HPGD: variants seen among roughly 807,000 people sequenced by gnomAD.
HPGD encodes 15-hydroxyprostaglandin dehydrogenase, also known as 15-hydroxyprostaglandin dehydrogenase [NAD(+)].
Under a neutral mutation model 30.0 loss-of-function variants are expected in HPGD, and 29 were observed. The ratio of observed to expected loss-of-function variants is 0.97; its 90% CI spans 0.72 to 1.32. The LOEUF is 1.32. HPGD is among the 40% of genes most tolerant of loss of function. The probability of loss-of-function intolerance (pLI) is 0.00; values close to 1 mark genes in which losing one functional copy is unlikely to be tolerated. For synonymous variants in HPGD, 99 were observed against 112.4 expected (o/e 0.88, Z 0.75); for missense variants, 340 against 322.1 (o/e 1.06, Z -0.43).
At chr4:174,518,448 G>C (rs1165223604) in intron 2 of HPGD, among the ~76,000 whole-genome samples, 1 of 152,216 alleles carries the variant, frequency 6.6e-6, no homozygotes, top group South Asian at 2.1e-4. Flanking sequence ...GTCAGTTAGA[G>C]CAAGCAATGT....
At chr4:174,503,559 T>C (rs1735027705) in intron 4 of HPGD, among the ~76,000 whole-genome samples, 2 of 152,238 alleles carry the variant, frequency 1.3e-5, no homozygotes, top group South Asian at 2.1e-4. Flanking sequence ...AGAGCAGTAG[T>C]AGAGGGTGGT....
chr4:174,501,618 G>C (rs549917793), intron 4 of HPGD, among the ~76,000 whole-genome samples: 251 of 152,058 alleles, frequency 1.7e-3, no homozygotes, highest in African/African-American at 5.8e-3. Context: ...AATCAGTAGA[G>C]GGAGAAATTC....
intron 2 of HPGD, among the ~76,000 whole-genome samples, chr4:174,520,315 C>T (rs540834219): frequency 6.6e-6 from 1 of 152,292 alleles, no homozygotes; most frequent in Admixed American, 6.5e-5. Context: ...TGTAACTTAC[C>T]TAAACTCTCT....
upstream of HPGD, chr4:174,522,864 C>G (rs1736241922): frequency 6.0e-6 from 1 of 165,532 alleles, no homozygotes; most frequent in Non-Finnish European, 1.3e-5. Flanking sequence ...CCCTCCCGGC[C>G]CCGACTCCGG....
chr4:174,502,677 CAAAAAAAAA>C, intron 4 of HPGD, among the ~76,000 whole-genome samples: 1 of 98,842 alleles, frequency 1.0e-5, no homozygotes, highest in East Asian at 3.1e-4. Flanking sequence ...GACTCCGTCT[CAAAAAAAAA>C]AAAAAAAAAA....
At position 174,495,633 on chromosome 4, in the gene HPGD, G is replaced by A. The variant is rs980910900; in HGVS notation, c.422-9C>T. 6.2e-7 allele frequency: 1 copy of A among 1,601,122 alleles called. No individual in the cohort carries two copies. On this transcript the variant is annotated splice_polypyrimidine_tract_variant and intron_variant, in intron 4 of 6. Coordinates refer to ENST00000296522, the MANE Select transcript of HPGD (RefSeq NM_000860.6). ...TGCAACGGGCATGAGTCCTGAAACAGACAAATATAACATTTAAATGCTTTG... is the reference window on the plus strand; with the variant it reads ...TGCAACGGGCATGAGTCCTGAAACAAACAAATATAACATTTAAATGCTTTG...
chr4:174,494,839 C>T lies in HPGD; in HGVS notation c.498+709G>A, dbSNP rs1035600194. Among the ~76,000 whole-genome samples the T allele has an allele frequency of 9.2e-5, 14 of 152,124 alleles. No homozygotes were observed. The highest frequency in any genetic ancestry group is 1.6e-4 in the Non-Finnish European group (11 of 68,022). ...AGGAAATCTGATCTTATCACTCCTG[C>T]GTGTAAAAGCCCCATGGATGGTTGC... is the stretch of plus-strand genomic sequence containing the variant. On this transcript the variant is annotated intron_variant, in intron 5 of 6. Coordinates refer to ENST00000296522, the MANE Select transcript of HPGD (RefSeq NM_000860.6). The surrounding 1 kb of genome is among the most constrained non-coding windows in gnomAD (Gnocchi z 4.9).
rs1357628739 is a variant in HPGD at position 174,522,373 on chromosome 4, G to A, written c.79C>T (p.Leu27Phe). Residue 27 changes from leucine to phenylalanine, a missense_variant, in exon 1 of 7, where the codon CTT becomes TTT. Transcript: ENST00000296522. ...GCCGGGCTTACCTTGGCGCCCTTAA[G>A]CAGCAGCGCCTCTGCAAAGGCTCTG... ...IGRAFAEALL[L>F]KGAKVALVDW... 1.3e-6 allele frequency: 2 copies of A among 1,569,194 alleles called. No homozygotes were observed. Among genetic ancestry groups the A allele is most frequent in the Admixed American group, 3.7e-5 (2 of 53,936 alleles).
In HPGD at chr4:174,517,417, G is replaced by A. The variant is rs909200500; in HGVS notation, c.324+554C>T. Among the ~76,000 whole-genome samples, 7 of 152,058 alleles carry A rather than the reference G, an allele frequency of 4.6e-5. No homozygotes were observed. In the East Asian group the frequency reaches 1.3e-3, roughly 29 times the overall value. Reference sequence around the variant, plus strand: ...TTTACTTTTAAATAAATAAGTCAGCGGTTGACGAGCTTTTTCTGTAAAGGG... The same window carrying A: ...TTTACTTTTAAATAAATAAGTCAGCAGTTGACGAGCTTTTTCTGTAAAGGG... On this transcript the variant is annotated intron_variant, in intron 3 of 6. Coordinates refer to ENST00000296522, the MANE Select transcript of HPGD (RefSeq NM_000860.6).
chr4:174,508,659 A>G (rs781352852), intron 4 of HPGD, 37 bp downstream of exon 4: 8 of 1,156,590 alleles, frequency 6.9e-6, no homozygotes, highest in African/African-American at 4.5e-5. Flanking sequence ...AATTACCAGT[A>G]AGAAAATGTT....
intron 4 of HPGD, among the ~76,000 whole-genome samples, chr4:174,501,202 C>T (rs1238945541): frequency 6.6e-6 from 1 of 151,996 alleles, no homozygotes; most frequent in African/African-American, 2.4e-5. Flanking sequence ...GGTTGAAGAG[C>T]CAGATACCAG....
chr4:174,515,295 G>A (rs780082718), intron 3 of HPGD, among the ~76,000 whole-genome samples: 6 of 152,096 alleles, frequency 3.9e-5, no homozygotes, highest in African/African-American at 1.2e-4. Flanking sequence ...AAACAGCACG[G>A]TACTGGTACA....
Position 174,497,568 on chromosome 4 carries a change from CT to C in HPGD, c.422-1945del, listed in dbSNP as rs778825547. On this transcript the variant is annotated intron_variant, in intron 4 of 6. Coordinates refer to ENST00000296522, the MANE Select transcript of HPGD (RefSeq NM_000860.6). ...CACTTTCTTTTCTTTCTTTTTCTTT[CT>C]TTTTTTTTTTTTTTTTTTTTTTTTT... Among the ~76,000 whole-genome samples, 50 of 51,094 alleles carry C rather than the reference CT, an allele frequency of 9.8e-4. 1 individual carries two copies. Among genetic ancestry groups the C allele is most frequent in the African/African-American group, 2.3e-3 (35 of 14,958 alleles). 33.5% of individuals were successfully genotyped at this position (51,094 alleles called of 152,430 possible). A position where few individuals can be genotyped will look rare whatever the true frequency, so the allele number is the denominator to read the frequency against.
intron 4 of HPGD, among the ~76,000 whole-genome samples, chr4:174,498,218 G>T (rs62338684): frequency 0.18 from 28,021 of 152,064 alleles, 3,041 homozygotes; most frequent in East Asian, 0.51. Flanking sequence ...AAAGTGCTGG[G>T]ATTACAGGCC....
At position 174,496,082 on chromosome 4, in the gene HPGD, T is replaced by C. The variant is rs1217371911; in HGVS notation, c.422-458A>G. Among the ~76,000 whole-genome samples the C allele has an allele frequency of 1.3e-5, 2 of 152,216 alleles. No homozygotes were observed. Among genetic ancestry groups the C allele is most frequent in the African/African-American group, 4.8e-5 (2 of 41,464 alleles). ...AGAGAGTCTTGGAGATTATTAGTCT[T>C]CACTACAAATTAGTATGCAATTTCC... On this transcript the variant is annotated intron_variant, in intron 4 of 6. Transcript: ENST00000296522. The surrounding 1 kb of genome is among the most constrained non-coding windows in gnomAD (Gnocchi z 4.6).
chr4:174,516,597 C>G (rs1004735038), intron 3 of HPGD, among the ~76,000 whole-genome samples: 1 of 152,062 alleles, frequency 6.6e-6, no homozygotes, highest in African/African-American at 2.4e-5. Flanking sequence ...ACACGATTTA[C>G]TCAGGTAACA....
At chr4:174,509,424 G>A (rs1030114942) in intron 3 of HPGD, among the ~76,000 whole-genome samples, 2 of 152,126 alleles carry the variant, frequency 1.3e-5, no homozygotes, top group African/African-American at 2.4e-5. Context: ...CTTGACAGTG[G>A]CTGGTTTCAG....
chr4:174,522,189 C>A (rs1235039135), intron 1 of HPGD, 122 bp from the exon 2 acceptor site: 7 of 1,492,082 alleles, frequency 4.7e-6, no homozygotes, highest in Non-Finnish European at 4.6e-6. Flanking sequence ...TGGGTTCCCT[C>A]CCAGCCACTT....
chr4:174,505,408 C>A (rs752628813), intron 4 of HPGD, among the ~76,000 whole-genome samples: 3 of 152,082 alleles, frequency 2.0e-5, no homozygotes, highest in Admixed American at 2.0e-4. Flanking sequence ...ACAGAGTAGG[C>A]AAATATTAGA....
Sources: allele counts gnomAD v4.1 joint callset (sites outside exome capture counted in the v4.1 genomes callset), GRCh38; gene constraint gnomAD v4.1.1; non-coding constraint Gnocchi (gnomAD v3.1); transcripts MANE v1.5; gene names NCBI Gene and HGNC (gene_info 2026-07-23, HGNC 2026-07-21).